Variants in PIAS1 observed in about 807,000 individuals in gnomAD.
PIAS1 encodes E3 SUMO-protein ligase PIAS1.
PIAS1 carries 6 observed loss-of-function variants against 71.3 expected under a neutral mutation model. That is an observed-to-expected ratio of 0.08 (90% confidence interval 0.05 to 0.17). PIAS1 has a LOEUF of 0.17. Among genes scored for constraint, PIAS1 ranks in the 10% least tolerant of loss-of-function variants. The probability of loss-of-function intolerance (pLI) is 1.00; values close to 1 mark genes in which losing one functional copy is unlikely to be tolerated. For missense variants in PIAS1, 555 were observed against 793.6 expected (o/e 0.70, Z 3.61); for synonymous variants, 303 against 292.9 (o/e 1.03, Z -0.35).
At chr15:68,092,276 G>A (rs1293328120) in intron 2 of PIAS1, among the ~76,000 whole-genome samples, 1 of 151,852 alleles carries the variant, frequency 6.6e-6, no homozygotes, top group African/African-American at 2.4e-5. Context: ...TGGCTCAAGC[G>A]ATCCTCCCAC....
Position 68,086,301 on chromosome 15 carries a change from C to T in PIAS1, c.25-5C>T. 1 of 1,552,344 alleles carries T rather than the reference C, an allele frequency of 6.4e-7. No individual in the cohort carries two copies. ...TAATGTTTTACATTTTGTTTTTTCT[C>T]TAAGCAAATGGTTATGAGCCTTAGA... On this transcript the variant is annotated splice_polypyrimidine_tract_variant and splice_region_variant and intron_variant, in intron 1 of 13. Coordinates refer to ENST00000249636, the MANE Select transcript of PIAS1 (RefSeq NM_016166.3). This position sits in a 1 kb window ranked among gnomAD's most constrained non-coding sequence, Gnocchi z 7.2.
At chr15:68,132,827 C>A (rs1040888117) in intron 2 of PIAS1, among the ~76,000 whole-genome samples, 1 of 152,080 alleles carries the variant, frequency 6.6e-6, no homozygotes, top group Non-Finnish European at 1.5e-5. Context: ...TAGAAATACT[C>A]ATTTTTGCTC....
intron 6 of PIAS1, among the ~76,000 whole-genome samples, chr15:68,153,094 G>T (rs1397223040): frequency 1.3e-5 from 2 of 151,508 alleles, no homozygotes; most frequent in African/African-American, 4.9e-5. Flanking sequence ...ATAGAGAAAG[G>T]TTAAAAGGTA....
intron 2 of PIAS1, among the ~76,000 whole-genome samples, chr15:68,130,520 A>G (rs2092682448): frequency 6.6e-6 from 1 of 152,006 alleles, no homozygotes; most frequent in Non-Finnish European, 1.5e-5. Context: ...TTTTTAAAAA[A>G]AGAAAAACTC....
Position 68,141,927 on chromosome 15 carries a change from T to G in PIAS1, c.470-19T>G. 1 of 1,551,468 alleles carries G rather than the reference T, an allele frequency of 6.4e-7. No homozygotes were observed. Among genetic ancestry groups the G allele is most frequent in the Admixed American group, 1.8e-5 (1 of 54,906 alleles). ...GCGAATTTAAAGGTAATTGAAAGTA[T>G]AATTCTTGTCTTCTTTAGCATCAGA... On this transcript the variant is annotated intron_variant, in intron 2 of 13. Transcript: ENST00000249636.
chr15:68,115,820 G>A (rs1355202687), intron 2 of PIAS1, among the ~76,000 whole-genome samples: 1 of 152,012 alleles, frequency 6.6e-6, no homozygotes, highest in African/African-American at 2.4e-5. Context: ...TTTTTAGTGC[G>A]TTAATATGGT....
intron 8 of PIAS1, among the ~76,000 whole-genome samples, chr15:68,172,644 G>A (rs1055168963): frequency 1.3e-5 from 2 of 152,194 alleles, no homozygotes; most frequent in South Asian, 4.1e-4. Context: ...GTTATTGAAA[G>A]TAGATAACTT....
chr15:68,132,035 T>TAAAA (rs35523127), intron 2 of PIAS1, among the ~76,000 whole-genome samples: 1 of 118,624 alleles, frequency 8.4e-6, no homozygotes, highest in Non-Finnish European at 1.7e-5. Context: ...AAACCTCCTC[T>TAAAA]AAAAAAAAAA....
intron 2 of PIAS1, among the ~76,000 whole-genome samples, chr15:68,131,643 T>G (rs537217027): frequency 1.4e-4 from 22 of 152,320 alleles, no homozygotes; most frequent in African/African-American, 4.8e-4. Context: ...CATAGTATTG[T>G]CTAATTCCAT....
chr15:68,132,294 C>T (rs866942807), intron 2 of PIAS1, among the ~76,000 whole-genome samples: 22 of 151,570 alleles, frequency 1.5e-4, no homozygotes, highest in South Asian at 4.2e-4. Context: ...CTTGCTAACA[C>T]GGTGATACTC....
chr15:68,065,946 A>G (rs1469740519), intron 1 of PIAS1, among the ~76,000 whole-genome samples: 105 of 23,238 alleles, frequency 4.5e-3, no homozygotes, highest in East Asian at 8.8e-3. Context: ...TTTTTTTTGG[A>G]GATAGGGTCT....
rs184815701 is a variant in PIAS1 at position 68,139,963 on chromosome 15, T to A, written c.470-1983T>A. 1.6e-4 allele frequency among the ~76,000 whole-genome samples: 24 copies of A among 152,274 alleles called. No homozygotes were observed. In the East Asian group the frequency reaches 3.1e-3, roughly 20 times the overall value. Reference sequence around the variant, plus strand: ...CTTACTTCACTTTCAGAAAGGTTTTTAAATAGTTTTATCTAAAACCAAAAC... The same window carrying A: ...CTTACTTCACTTTCAGAAAGGTTTTAAAATAGTTTTATCTAAAACCAAAAC... On this transcript the variant is annotated intron_variant, in intron 2 of 13. Transcript: ENST00000249636.
At chr15:68,131,456 CTG>C (rs1477689300) in intron 2 of PIAS1, among the ~76,000 whole-genome samples, 1 of 143,562 alleles carries the variant, frequency 7.0e-6, no homozygotes, top group Non-Finnish European at 1.5e-5. Flanking sequence ...GCTATGTTCA[CTG>C]TGTTGTGCAA....
Position 68,054,436 on chromosome 15 carries a change from G to A in PIAS1, c.24+86G>A. ...AGGGGGGATGGGTCCGACCCTGGGG[G>A]GCCTCTCGGGCCTGACTCCACCCGG... On this transcript the variant is annotated intron_variant, in intron 1 of 13. Transcript: ENST00000249636. This position sits in a 1 kb window ranked among gnomAD's most constrained non-coding sequence, Gnocchi z 4.6. 3.6e-6 allele frequency: 5 copies of A among 1,386,514 alleles called. No individual in the cohort carries two copies. The South Asian group carries it at 3.8e-5, about 10-fold the overall frequency. 85.9% of individuals were successfully genotyped at this position (1,386,514 alleles called of 1,614,324 possible).
At chr15:68,111,620 T>C (rs1284719290) in intron 2 of PIAS1, among the ~76,000 whole-genome samples, 1 of 152,032 alleles carries the variant, frequency 6.6e-6, no homozygotes, top group Non-Finnish European at 1.5e-5. Flanking sequence ...AAAAATGAAA[T>C]AGTATCAGAG....
At position 68,082,294 on chromosome 15, in the gene PIAS1, A is replaced by G. The variant is rs1023944582; in HGVS notation, c.25-4012A>G. On this transcript the variant is annotated intron_variant, in intron 1 of 13. Coordinates refer to ENST00000249636, the MANE Select transcript of PIAS1 (RefSeq NM_016166.3). ...GGCATAAGGAAACGGGATCCAGTAT[A>G]AAAGAGAGACAAGGGAATTCCTGGG... 3.3e-5 allele frequency among the ~76,000 whole-genome samples: 5 copies of G among 152,194 alleles called. No individual in the cohort carries two copies. In the East Asian group the frequency reaches 7.7e-4, roughly 23 times the overall value.
chr15:68,169,406 G>A (rs1018378193), intron 8 of PIAS1, among the ~76,000 whole-genome samples: 12 of 152,118 alleles, frequency 7.9e-5, no homozygotes, highest in East Asian at 1.9e-4. Context: ...TGGGCATGTC[G>A]CTCACGCCTA....
At chr15:68,159,213 T>C (rs754673748) in intron 7 of PIAS1, among the ~76,000 whole-genome samples, 1 of 152,176 alleles carries the variant, frequency 6.6e-6, no homozygotes, top group Non-Finnish European at 1.5e-5. Flanking sequence ...AGGACAAATA[T>C]TATATGTCTT....
intron 2 of PIAS1, among the ~76,000 whole-genome samples, chr15:68,102,073 AT>A (rs142488681): frequency 0.052 from 7,841 of 151,534 alleles, 651 homozygotes; most frequent in African/African-American, 0.18. Flanking sequence ...AGATTTGGAG[AT>A]TTTTTTTTCC....
Sources: allele counts gnomAD v4.1 joint callset (sites outside exome capture counted in the v4.1 genomes callset), GRCh38; gene constraint gnomAD v4.1.1; non-coding constraint Gnocchi (gnomAD v3.1); transcripts MANE v1.5; gene names NCBI Gene and HGNC (gene_info 2026-07-23, HGNC 2026-07-21).